Variants in CNTN5 observed in about 807,000 individuals in gnomAD.
The protein encoded by CNTN5 is contactin-5.
In CNTN5, 77 loss-of-function variants were observed where a neutral mutation model predicts 129.1. That is an observed-to-expected ratio of 0.60 (90% confidence interval 0.50 to 0.72). CNTN5 has a LOEUF of 0.72. Among genes scored for constraint, CNTN5 ranks in the 30% least tolerant of loss-of-function variants. The pLI is 0.00. For missense variants in CNTN5, 1,478 were observed against 1,328.8 expected (o/e 1.11, Z -1.75); for synonymous variants, 509 against 465.6 (o/e 1.09, Z -1.20).
intron 13 of CNTN5, among the ~76,000 whole-genome samples, chr11:100,099,217 GA>G (rs1393902769): frequency 6.6e-6 from 1 of 152,106 alleles, no homozygotes. Flanking sequence ...AGTTCACACA[GA>G]AAGTTAAAAG....
intron 3 of CNTN5, among the ~76,000 whole-genome samples, chr11:99,800,025 C>T (rs1448860773): frequency 6.6e-6 from 1 of 151,620 alleles, no homozygotes; most frequent in African/African-American, 2.4e-5. Flanking sequence ...TTTTCTAGTT[C>T]TTGTTATTCT....
intron 6 of CNTN5, among the ~76,000 whole-genome samples, chr11:99,889,291 GGTGTGTGTGTGTGTGT>G (rs71050029): frequency 3.0e-4 from 10 of 33,222 alleles, no homozygotes; most frequent in Non-Finnish European, 5.4e-4. Context: ...CTCCAGAGCA[GGTGTGTGTGTGTGTGT>G]GTGTGTGTGT....
chr11:100,093,931 A>G (rs751793417), intron 13 of CNTN5, among the ~76,000 whole-genome samples: 1 of 152,120 alleles, frequency 6.6e-6, no homozygotes, highest in Non-Finnish European at 1.5e-5. Context: ...TTCAGGGTGA[A>G]CAGGAGAAAG....
intron 1 of CNTN5, among the ~76,000 whole-genome samples, chr11:99,084,143 G>C (rs1163115702): frequency 1.3e-5 from 2 of 152,114 alleles, no homozygotes; most frequent in African/African-American, 2.4e-5. Flanking sequence ...ATAAACTACT[G>C]TTCCCCATAT....
intron 2 of CNTN5, among the ~76,000 whole-genome samples, chr11:99,492,125 C>T (rs115258329): frequency 6.6e-6 from 1 of 152,242 alleles, no homozygotes; most frequent in African/African-American, 2.4e-5. Flanking sequence ...GCTATTCCTG[C>T]CAACAAAGAT....
At chr11:99,730,151 T>C (rs755330915) in intron 3 of CNTN5, among the ~76,000 whole-genome samples, 14 of 152,208 alleles carry the variant, frequency 9.2e-5, no homozygotes, top group Non-Finnish European at 2.1e-4. Flanking sequence ...TACTTACTTA[T>C]ATTGTGAATA....
chr11:99,967,708 G>A (rs185459854), intron 8 of CNTN5, among the ~76,000 whole-genome samples: 45 of 152,120 alleles, frequency 3.0e-4, no homozygotes, highest in Middle Eastern at 3.4e-3. Context: ...TTTCCGAGCC[G>A]TAATTCCTCA....
At chr11:100,005,050 G>A (rs1940109467) in intron 9 of CNTN5, among the ~76,000 whole-genome samples, 1 of 152,060 alleles carries the variant, frequency 6.6e-6, no homozygotes, top group Admixed American at 6.6e-5. Context: ...AGAATAGCCA[G>A]CACTTTCCCC....
intron 13 of CNTN5, among the ~76,000 whole-genome samples, chr11:100,084,920 C>T (rs532979609): frequency 4.6e-5 from 7 of 151,978 alleles, no homozygotes; most frequent in East Asian, 3.9e-4. Context: ...AAATATAAAC[C>T]GACAGTAGAC....
At chr11:99,050,409 T>C (rs914822150) in intron 1 of CNTN5, among the ~76,000 whole-genome samples, 1 of 151,982 alleles carries the variant, frequency 6.6e-6, no homozygotes, top group Non-Finnish European at 1.5e-5. Context: ...TGGTAGAGAA[T>C]GTCATATTCT....
At chr11:100,175,060 A>G (rs992110485) in intron 13 of CNTN5, among the ~76,000 whole-genome samples, 19 of 152,104 alleles carry the variant, frequency 1.2e-4, no homozygotes, top group Non-Finnish European at 2.1e-4. Context: ...CATCATCTGT[A>G]GGAAACACGT....
intron 1 of CNTN5, among the ~76,000 whole-genome samples, chr11:99,170,104 T>C (rs1198953734): frequency 6.6e-6 from 1 of 152,186 alleles, no homozygotes; most frequent in Non-Finnish European, 1.5e-5. Flanking sequence ...TTATTTTGCA[T>C]GTTATTTAAT....
intron 9 of CNTN5, among the ~76,000 whole-genome samples, chr11:100,023,621 T>C (rs1941274680): frequency 6.6e-6 from 1 of 152,172 alleles, no homozygotes; most frequent in African/African-American, 2.4e-5. Flanking sequence ...TCATACAGAG[T>C]AGTTTCAAAA....
chr11:99,840,055 G>A (rs186628296), intron 4 of CNTN5, among the ~76,000 whole-genome samples: 4 of 152,044 alleles, frequency 2.6e-5, no homozygotes, highest in Admixed American at 6.6e-5. Context: ...TGATATTCAC[G>A]GGTGAGTAAA....
At chr11:99,422,518 T>TTATATA (rs71046684) in intron 2 of CNTN5, among the ~76,000 whole-genome samples, 22 of 83,344 alleles carry the variant, frequency 2.6e-4, no homozygotes, top group South Asian at 1.1e-3. Flanking sequence ...CTTTATATTT[T>TTATATA]TATATATATA....
chr11:99,752,567 G>C (rs551440205), intron 3 of CNTN5, among the ~76,000 whole-genome samples: 1 of 152,248 alleles, frequency 6.6e-6, no homozygotes, highest in South Asian at 2.1e-4. Flanking sequence ...TTTGTGTTTT[G>C]TATATAGGTT....
chr11:100,174,119 T>C (rs1407321013), intron 13 of CNTN5, among the ~76,000 whole-genome samples: 2 of 152,108 alleles, frequency 1.3e-5, no homozygotes, highest in Admixed American at 6.6e-5. Context: ...TTTGACAGCA[T>C]AGTTAAAGGC....
intron 3 of CNTN5, among the ~76,000 whole-genome samples, chr11:99,658,546 A>T (rs1035281418): frequency 6.6e-6 from 1 of 152,026 alleles, no homozygotes; most frequent in African/African-American, 2.4e-5. Flanking sequence ...AGGAATTTAG[A>T]CAGTTAGCTT....
intron 3 of CNTN5, among the ~76,000 whole-genome samples, chr11:99,808,274 G>C (rs931689230): frequency 1.3e-5 from 2 of 152,100 alleles, no homozygotes; most frequent in African/African-American, 4.8e-5. Context: ...TATTAAATCA[G>C]GCTGCAATAT....
Sources: allele counts gnomAD v4.1 joint callset (sites outside exome capture counted in the v4.1 genomes callset), GRCh38; gene constraint gnomAD v4.1.1; transcripts MANE v1.5; gene names NCBI Gene and HGNC (gene_info 2026-07-23, HGNC 2026-07-21).